The following MAF variants were observed in gnomAD, a reference collection of about 807,000 sequenced individuals.
MAF encodes the protein MAF bZIP transcription factor.
A neutral mutation model predicts 22.0 loss-of-function variants in MAF; 10 were observed. The ratio of observed to expected loss-of-function variants is 0.45; its 90% confidence interval spans 0.28 to 0.77. The LOEUF (loss-of-function observed/expected upper bound fraction) is 0.77, where lower values mean the gene tolerates loss of function less well. MAF is among the 30% of genes least tolerant of loss of function. MAF has a pLI of 0.12. For synonymous variants in MAF, 337 were observed against 255.8 expected (o/e 1.32, Z -3.03); for missense variants, 544 against 548.4 (o/e 0.99, Z 0.08).
chr16:79,360,115 A>G, the MAF span, among the ~76,000 whole-genome samples: 2 of 152,196 alleles, frequency 1.3e-5, no homozygotes, highest in South Asian at 2.1e-4. Flanking sequence ...GGAGCTGTCC[A>G]TGAGAGAGCT....
At chr16:79,340,998 C>A in the MAF span, among the ~76,000 whole-genome samples, 1 of 152,118 alleles carries the variant, frequency 6.6e-6, no homozygotes, top group Non-Finnish European at 1.5e-5. Flanking sequence ...GAGGGACCAG[C>A]TATGCAAAGA....
At chr16:79,293,837 AAGAGAG>A in the MAF span, among the ~76,000 whole-genome samples, 478 of 148,422 alleles carry the variant, frequency 3.2e-3, 2 homozygotes, top group Middle Eastern at 0.01. Flanking sequence ...TCTAAATGAA[AAGAGAG>A]AGAGAGAGAG....
At chr16:79,575,681 A>C in the MAF span, among the ~76,000 whole-genome samples, 27 of 152,220 alleles carry the variant, frequency 1.8e-4, no homozygotes, top group Non-Finnish European at 2.8e-4. Flanking sequence ...AAAAGAGAAA[A>C]GGGAGGAACG....
chr16:79,592,820 T>C (rs1913263231), downstream of MAF, among the ~76,000 whole-genome samples: 1 of 152,250 alleles, frequency 6.6e-6, no homozygotes, highest in African/African-American at 2.4e-5. Context: ...AAGACATTTC[T>C]TCAAAGAGAC....
the MAF span, among the ~76,000 whole-genome samples, chr16:79,231,435 G>A: frequency 3.1e-3 from 475 of 152,108 alleles, 2 homozygotes; most frequent in African/African-American, 0.011. Flanking sequence ...TGACAGAAGC[G>A]GAAATAAAAC....
the MAF span, among the ~76,000 whole-genome samples, chr16:79,324,483 C>G: frequency 6.6e-6 from 1 of 152,126 alleles, no homozygotes; most frequent in Non-Finnish European, 1.5e-5. Context: ...GCAGGGGGCC[C>G]TAGAACCAAT....
chr16:79,502,724 T>TATATATATAA, the MAF span, among the ~76,000 whole-genome samples: 2 of 94,900 alleles, frequency 2.1e-5, no homozygotes, highest in Non-Finnish European at 3.9e-5. Flanking sequence ...TATATATATA[T>TATATATATAA]ATATATATAT....
At chr16:79,546,835 T>C in the MAF span, among the ~76,000 whole-genome samples, 14 of 152,184 alleles carry the variant, frequency 9.2e-5, no homozygotes, top group African/African-American at 2.9e-4. Context: ...TTAATATAAT[T>C]ATTGGAAATT....
the MAF span, among the ~76,000 whole-genome samples, chr16:79,553,394 A>G: frequency 5.3e-5 from 8 of 152,196 alleles, no homozygotes; most frequent in East Asian, 1.5e-3. Flanking sequence ...GGCTGGTGTG[A>G]GGCAGCCCTG....
chr16:79,529,973 A>G, the MAF span, among the ~76,000 whole-genome samples: 2 of 152,200 alleles, frequency 1.3e-5, no homozygotes, highest in African/African-American at 4.8e-5. Flanking sequence ...AAAAAAAAAA[A>G]AATGTTATTT....
chr16:79,456,347 G>T, the MAF span, among the ~76,000 whole-genome samples: 1 of 152,014 alleles, frequency 6.6e-6, no homozygotes. Flanking sequence ...TTATCTCCAG[G>T]GACAAATTGT....
At chr16:79,595,293 T>C in intron 1 of MAF, 3 of 1,049,224 alleles carry the variant, frequency 2.9e-6, no homozygotes, top group East Asian at 5.5e-5. Flanking sequence ...TTACACACTG[T>C]CTTCGTGTTT....
At chr16:79,254,214 A>C in the MAF span, among the ~76,000 whole-genome samples, 1 of 152,064 alleles carries the variant, frequency 6.6e-6, no homozygotes, top group Admixed American at 6.6e-5. Context: ...TCTACTAAAA[A>C]TTTTTGACAT....
the MAF span, among the ~76,000 whole-genome samples, chr16:79,556,266 C>G: frequency 6.6e-6 from 1 of 152,176 alleles, no homozygotes; most frequent in Non-Finnish European, 1.5e-5. Flanking sequence ...TTTAATCATG[C>G]TACTCCATCT....
the MAF span, among the ~76,000 whole-genome samples, chr16:79,344,617 T>C: frequency 2.6e-5 from 4 of 152,204 alleles, no homozygotes; most frequent in African/African-American, 9.6e-5. Context: ...ACTGTCTATA[T>C]AATAAGTATC....
chr16:79,446,210 G>C, the MAF span, among the ~76,000 whole-genome samples: 3 of 152,142 alleles, frequency 2.0e-5, no homozygotes, highest in Admixed American at 1.3e-4. Context: ...CAGATCCTCT[G>C]GGAGAGGCAC....
At chr16:79,550,088 G>A in the MAF span, among the ~76,000 whole-genome samples, 1 of 152,018 alleles carries the variant, frequency 6.6e-6, no homozygotes, top group Non-Finnish European at 1.5e-5. Flanking sequence ...AGCTCATACT[G>A]CTCTCTCCAA....
chr16:79,208,373 T>C, the MAF span, among the ~76,000 whole-genome samples: 2 of 108,458 alleles, frequency 1.8e-5, no homozygotes, highest in Non-Finnish European at 4.2e-5. Context: ...TGATAAATGA[T>C]TGATTCTCAA....
At chr16:79,382,998 T>C in the MAF span, among the ~76,000 whole-genome samples, 2 of 152,226 alleles carry the variant, frequency 1.3e-5, no homozygotes, top group African/African-American at 4.8e-5. Context: ...ATTTACTAAG[T>C]CTTTACTGCA....
Sources: allele counts gnomAD v4.1 joint callset (sites outside exome capture counted in the v4.1 genomes callset), GRCh38; gene constraint gnomAD v4.1.1; transcripts MANE v1.5; gene names NCBI Gene and HGNC (gene_info 2026-07-23, HGNC 2026-07-21).